RIC1: variants seen among roughly 807,000 people sequenced by gnomAD.
The protein encoded by RIC1 is RIC1 partner of RAB6A GEF complex.
In RIC1, 88 loss-of-function variants were observed where a neutral mutation model predicts 169.0. The ratio of observed to expected loss-of-function variants is 0.52; its 90% CI spans 0.44 to 0.62. RIC1 has a LOEUF of 0.62. Among genes scored for constraint, RIC1 ranks in the 20% least tolerant of loss-of-function variants. RIC1 has a pLI of 0.00. For missense variants in RIC1, 1,877 were observed against 1,725.5 expected (o/e 1.09, Z -1.56); for synonymous variants, 790 against 601.5 (o/e 1.31, Z -4.59).
intron 3 of RIC1, among the ~76,000 whole-genome samples, chr9:5,709,609 C>T (rs1478937165): frequency 1.3e-5 from 2 of 152,302 alleles, no homozygotes; most frequent in Middle Eastern, 6.8e-3. Flanking sequence ...TCCTGGCATT[C>T]AGTGCTTTCA....
At chr9:5,633,813 G>A (rs915989981) in intron 1 of RIC1, among the ~76,000 whole-genome samples, 3 of 152,044 alleles carry the variant, frequency 2.0e-5, no homozygotes, top group Admixed American at 2.0e-4. Context: ...CATTATTAAC[G>A]ATAGTTACTG....
At chr9:5,672,901 GAAC>G (rs1324146782) in intron 2 of RIC1, among the ~76,000 whole-genome samples, 1 of 152,054 alleles carries the variant, frequency 6.6e-6, no homozygotes, top group Non-Finnish European at 1.5e-5. Context: ...GGGAACATTA[GAAC>G]AACATCTCAT....
chr9:5,772,948 G>C lies in RIC1; in HGVS notation c.3851G>C (p.Gly1284Ala). 1 of 1,613,750 alleles carries C rather than the reference G, an allele frequency of 6.2e-7. No individual in the cohort carries two copies. Among genetic ancestry groups the C allele is most frequent in the Non-Finnish European group, 8.5e-7 (1 of 1,179,800 alleles). Residue 1284 changes from glycine to alanine, a missense_variant, in exon 25 of 26, where the codon GGC becomes GCC. Physicochemically the swap from Gly to Ala is moderately conservative, Grantham distance 60. This residue lies in a region of RIC1 where 681 missense variants were observed against 582.0 expected (regional missense o/e 1.17). Coordinates refer to ENST00000414202, the MANE Select transcript of RIC1 (RefSeq NM_020829.4). The part of the protein sequence containing the change: ...AGCLDWCIVI[G>A]LILRESSIIN... ...TGCCTAGACTGGTGCATCGTTATAG[G>C]CCTGATTCTTAGAGAATCCTCAATA...
At chr9:5,730,228 A>G (rs1051111792) in intron 6 of RIC1, among the ~76,000 whole-genome samples, 2 of 152,176 alleles carry the variant, frequency 1.3e-5, no homozygotes, top group Non-Finnish European at 2.9e-5. Flanking sequence ...GATTATTAGG[A>G]CAGAACCTCC....
intron 3 of RIC1, among the ~76,000 whole-genome samples, chr9:5,706,074 A>G (rs1010503643): frequency 2.0e-5 from 3 of 152,102 alleles, no homozygotes; most frequent in Non-Finnish European, 2.9e-5. Context: ...TTTTTTTTAC[A>G]TCTATATTCA....
At chr9:5,732,671 T>C (rs2130927011) in intron 7 of RIC1, among the ~76,000 whole-genome samples, 192 bp downstream of exon 7, 1 of 152,304 alleles carries the variant, frequency 6.6e-6, no homozygotes, top group Middle Eastern at 3.4e-3. Context: ...GGGCAGATTT[T>C]GGAGGTTGAG....
At chr9:5,727,637 T>G (rs1824081793) in intron 6 of RIC1, among the ~76,000 whole-genome samples, 1 of 152,224 alleles carries the variant, frequency 6.6e-6, no homozygotes, top group Non-Finnish European at 1.5e-5. Flanking sequence ...TTTTAGAATT[T>G]TAGCTTTTCT....
chr9:5,768,489 C>T (rs1368736758), intron 21 of RIC1, among the ~76,000 whole-genome samples: 1 of 152,158 alleles, frequency 6.6e-6, no homozygotes, highest in African/African-American at 2.4e-5. Flanking sequence ...GATCACACCA[C>T]TGCACTCCAG....
At chr9:5,674,907 G>C (rs1820352397) in intron 2 of RIC1, among the ~76,000 whole-genome samples, 1 of 152,172 alleles carries the variant, frequency 6.6e-6, no homozygotes, top group South Asian at 2.1e-4. Context: ...AATTGATTGA[G>C]ACCTGTCTCA....
chr9:5,642,062 C>A lies in RIC1; in HGVS notation c.144+12609C>A, dbSNP rs570631726. Among the ~76,000 whole-genome samples the A allele has an allele frequency of 1.4e-3, 209 of 144,416 alleles. 44 individuals are homozygous for A. The highest frequency in any genetic ancestry group is 5.4e-3 in the African/African-American group (189 of 35,280). 94.7% of individuals were successfully genotyped at this position (144,416 alleles called of 152,430 possible). On this transcript the variant is annotated intron_variant, in intron 1 of 25. Coordinates refer to ENST00000414202, the MANE Select transcript of RIC1 (RefSeq NM_020829.4). Reference sequence around the variant, plus strand: ...GCAGTCTGGGCTTGTTTGTATCTGTCCTTTTTGAGAAGTCTTTCCAGTTAT... The same window carrying A: ...GCAGTCTGGGCTTGTTTGTATCTGTACTTTTTGAGAAGTCTTTCCAGTTAT...
chr9:5,673,372 C>G (rs190760183), intron 2 of RIC1, among the ~76,000 whole-genome samples: 2 of 151,436 alleles, frequency 1.3e-5, no homozygotes, highest in African/African-American at 2.4e-5. Context: ...CAGGCATAAA[C>G]AGGAATTCTA....
At chr9:5,679,188 T>G (rs550620016) in intron 2 of RIC1, among the ~76,000 whole-genome samples, 2 of 152,338 alleles carry the variant, frequency 1.3e-5, no homozygotes, top group Non-Finnish European at 2.9e-5. Flanking sequence ...GGCTCTGTTC[T>G]GTTCCATTGG....
At chr9:5,744,169 A>T (rs1825248377) in intron 10 of RIC1, among the ~76,000 whole-genome samples, 2 of 151,766 alleles carry the variant, frequency 1.3e-5, no homozygotes, top group African/African-American at 4.8e-5. Flanking sequence ...TTTTGTTTAG[A>T]TGTGGCCAGC....
chr9:5,750,493 A>T (rs551110038), intron 12 of RIC1, among the ~76,000 whole-genome samples: 2 of 151,998 alleles, frequency 1.3e-5, no homozygotes, highest in African/African-American at 4.8e-5. Context: ...GTATGTATCA[A>T]GTGTACCAGG....
At chr9:5,709,301 C>A (rs1235423482) in intron 3 of RIC1, among the ~76,000 whole-genome samples, 1 of 152,176 alleles carries the variant, frequency 6.6e-6, no homozygotes, top group East Asian at 1.9e-4. Context: ...CATCCCCAAT[C>A]CATTCCTTAG....
At chr9:5,680,053 G>T (rs1026917361) in intron 2 of RIC1, among the ~76,000 whole-genome samples, 1 of 152,240 alleles carries the variant, frequency 6.6e-6, no homozygotes, top group South Asian at 2.1e-4. Context: ...AGCATGAAGG[G>T]TTGTTGAATT....
At chr9:5,679,308 G>C (rs2130628288) in intron 2 of RIC1, among the ~76,000 whole-genome samples, 1 of 152,288 alleles carries the variant, frequency 6.6e-6, no homozygotes, top group South Asian at 2.1e-4. Context: ...ACTTAGGATT[G>C]TCTTGGCAAT....
chr9:5,654,807 C>T (rs965193808), intron 1 of RIC1, among the ~76,000 whole-genome samples: 4 of 152,176 alleles, frequency 2.6e-5, no homozygotes, highest in African/African-American at 9.7e-5. Flanking sequence ...CCTGCCTTGG[C>T]CTTTCAAAGT....
At chr9:5,685,078 G>A (rs1200331027) in intron 2 of RIC1, among the ~76,000 whole-genome samples, 1 of 151,872 alleles carries the variant, frequency 6.6e-6, no homozygotes, top group Non-Finnish European at 1.5e-5. Flanking sequence ...TTTAGAATAT[G>A]TTAATGAGGG....
Sources: gnomAD v4.1 joint callset for allele counts (sites outside exome capture counted in the v4.1 genomes callset) on GRCh38, gnomAD v4.1.1 for gene constraint, gnomAD v4.1.1 regional missense constraint, MANE v1.5 for transcripts, NCBI Gene and HGNC (gene_info 2026-07-23, HGNC 2026-07-21) for gene names.